The following ADAM10 variants were observed in gnomAD, a reference collection of about 807,000 sequenced individuals.
ADAM10 encodes the protein disintegrin and metalloproteinase domain-containing protein 10.
In ADAM10, 17 loss-of-function variants were observed where a neutral mutation model predicts 90.1. The ratio of observed to expected loss-of-function variants is 0.19; its 90% CI spans 0.13 to 0.28. The LOEUF (loss-of-function observed/expected upper bound fraction) is 0.28, where lower values mean the gene tolerates loss of function less well. Among genes scored for constraint, ADAM10 ranks in the 10% least tolerant of loss-of-function variants. The pLI, the probability that ADAM10 is intolerant of heterozygous loss-of-function variation, is 1.00. For missense variants in ADAM10, 610 were observed against 914.3 expected (o/e 0.67, Z 4.29); for synonymous variants, 310 against 298.6 (o/e 1.04, Z -0.40).
chr15:58,710,364 T>C (rs879844615), intron 2 of ADAM10, among the ~76,000 whole-genome samples: 1 of 152,238 alleles, frequency 6.6e-6, no homozygotes, highest in Non-Finnish European at 1.5e-5. Flanking sequence ...AAAATTCACA[T>C]ACCCTTTTGT....
intron 8 of ADAM10, among the ~76,000 whole-genome samples, chr15:58,635,100 C>G (rs913322164): frequency 6.6e-6 from 1 of 151,128 alleles, no homozygotes; most frequent in Admixed American, 6.6e-5. Context: ...TCGGTGAAAC[C>G]CCATCTCTGC....
At chr15:58,610,692 G>A (rs914790963) in intron 13 of ADAM10, 175 bp from the exon 14 acceptor site, 24 of 706,592 alleles carry the variant, frequency 3.4e-5, no homozygotes, top group Admixed American at 3.2e-4. Flanking sequence ...CATATTAAAT[G>A]TTACAATGTA....
At chr15:58,722,784 T>G (rs1898900116) in intron 1 of ADAM10, among the ~76,000 whole-genome samples, 1 of 140,522 alleles carries the variant, frequency 7.1e-6, no homozygotes, top group Admixed American at 8.0e-5. Flanking sequence ...CAGGCTGGAG[T>G]GCAGTAGCAC....
intron 14 of ADAM10, among the ~76,000 whole-genome samples, chr15:58,607,150 T>C (rs2140994444): frequency 6.6e-6 from 1 of 152,388 alleles, no homozygotes; most frequent in East Asian, 1.9e-4. Flanking sequence ...CCATGGGCCA[T>C]AGTTTGCCAA....
chr15:58,714,290 CAT>C lies in ADAM10; in HGVS notation c.206+3285_206+3286del, dbSNP rs1302650536. Among the ~76,000 whole-genome samples, 3 of 100,118 alleles carry C rather than the reference CAT, an allele frequency of 3.0e-5. No individual in the cohort carries two copies. In the East Asian group the frequency reaches 8.9e-4, roughly 30 times the overall value. The allele number at this position is 100,118 out of a possible 152,430, so 65.7% of individuals were successfully genotyped here. A position where few individuals can be genotyped will look rare whatever the true frequency, so the allele number is the denominator to read the frequency against. On this transcript the variant is annotated intron_variant, in intron 2 of 15. Coordinates refer to ENST00000260408, the MANE Select transcript of ADAM10 (RefSeq NM_001110.4). The stretch of plus-strand genomic sequence containing the variant: ...AATTACTTTAATACTTATACATACA[CAT>C]ACACACACACACACACACACACACA...
intron 1 of ADAM10, among the ~76,000 whole-genome samples, chr15:58,726,885 G>A (rs1276984496): frequency 4.6e-5 from 7 of 151,000 alleles, no homozygotes; most frequent in South Asian, 2.1e-4. Context: ...CGAAGGGGAG[G>A]GGAGAGGAGG....
At chr15:58,659,186 T>C (rs1340072418) in intron 5 of ADAM10, among the ~76,000 whole-genome samples, 1 of 151,662 alleles carries the variant, frequency 6.6e-6, no homozygotes, top group Non-Finnish European at 1.5e-5. Flanking sequence ...GGCAGGAGAA[T>C]CACTTGAACC....
At position 58,667,759 on chromosome 15, in the gene ADAM10, CT is replaced by C. The variant is rs113725859; in HGVS notation, c.485-2563del. Among the ~76,000 whole-genome samples the C allele has an allele frequency of 4.6e-3, 661 of 143,810 alleles. 6 individuals are homozygous for C. Among genetic ancestry groups the C allele is most frequent in the African/African-American group, 0.014 (541 of 39,536 alleles). The allele number at this position is 143,810 out of a possible 152,430, so 94.3% of individuals were successfully genotyped here. Reference sequence around the variant, plus strand: ...GATGGAGAGTAGAAGAAAGGATAGGCTTTTTTTTTTTTCTTTTGAGAAGAAA... The same window carrying C: ...GATGGAGAGTAGAAGAAAGGATAGGCTTTTTTTTTTTCTTTTGAGAAGAAA... On this transcript the variant is annotated intron_variant, in intron 4 of 15. Coordinates refer to ENST00000260408, the MANE Select transcript of ADAM10 (RefSeq NM_001110.4).
chr15:58,713,274 T>C (rs1372159583), intron 2 of ADAM10, among the ~76,000 whole-genome samples: 6 of 152,096 alleles, frequency 3.9e-5, no homozygotes, highest in Non-Finnish European at 7.4e-5. Context: ...GCTAAGTTTC[T>C]TCTAATCTTT....
In ADAM10 at chr15:58,598,906, T is replaced by C. The variant is rs114863371; in HGVS notation, c.2152+692A>G. On this transcript the variant is annotated intron_variant, in intron 15 of 15. Coordinates refer to ENST00000260408, the MANE Select transcript of ADAM10 (RefSeq NM_001110.4). ...AATGGAGAATACTTGACTGTGCTTA[T>C]TTGATGAATGAATCCTCTACTCTAA... Among the ~76,000 whole-genome samples the C allele has an allele frequency of 4.6e-3, 708 of 152,312 alleles. 11 individuals carry two copies. The highest frequency in any genetic ancestry group is 0.017 in the African/African-American group (689 of 41,570).
intron 5 of ADAM10, among the ~76,000 whole-genome samples, chr15:58,660,531 T>C (rs1334122307): frequency 6.6e-6 from 1 of 152,186 alleles, no homozygotes; most frequent in Admixed American, 6.5e-5. Context: ...TTGGCCAGGT[T>C]GGTCTTGAAC....
chr15:58,676,168 C>T, intron 4 of ADAM10: 1 of 386,414 alleles, frequency 2.6e-6, no homozygotes, highest in South Asian at 1.9e-5. Context: ...CCCAGAAATC[C>T]TTGAAGTAAA....
At chr15:58,639,038 C>T (rs949589591) in intron 8 of ADAM10, among the ~76,000 whole-genome samples, 4 of 152,138 alleles carry the variant, frequency 2.6e-5, no homozygotes, top group African/African-American at 9.7e-5. Context: ...ATCATTACAT[C>T]CTTAAGTACA....
intron 2 of ADAM10, among the ~76,000 whole-genome samples, chr15:58,703,101 A>T (rs1339170807): frequency 6.6e-6 from 1 of 152,158 alleles, no homozygotes; most frequent in Non-Finnish European, 1.5e-5. Context: ...ATAATAATAA[A>T]AAGTAGCTGA....
In ADAM10 at chr15:58,727,202, TTTTC is replaced by T. The variant is rs1488795083; in HGVS notation, c.56-9479_56-9476del. Among the ~76,000 whole-genome samples, 12 of 130,386 alleles carry T rather than the reference TTTTC, an allele frequency of 9.2e-5. 1 individual carries two copies. Among genetic ancestry groups the T allele is most frequent in the South Asian group, 5.4e-4 (2 of 3,720 alleles). 85.5% of individuals were successfully genotyped at this position (130,386 alleles called of 152,430 possible). ...TTTTTTTTTTTTTTTTTTTTTTTTT[TTTTC>T]CCAAAAACAGCGTTTCGCTCGTTGC... is the stretch of plus-strand genomic sequence containing the variant. On this transcript the variant is annotated intron_variant, in intron 1 of 15. Coordinates refer to ENST00000260408, the MANE Select transcript of ADAM10 (RefSeq NM_001110.4).
At position 58,610,533 on chromosome 15, in the gene ADAM10, C is replaced by CAA. The variant is rs775219305; in HGVS notation, c.1805-18_1805-17dup. The CAA allele has an allele frequency of 1.2e-5, 20 of 1,604,714 alleles. No homozygotes were observed. Among genetic ancestry groups the CAA allele is most frequent in the Non-Finnish European group, 5.1e-6 (6 of 1,171,846 alleles). ...GATGGGTCCACTGGAAAAGAAATGCCAAATATAAGCTGAAGGTCAGATTCA... is the reference window on the plus strand; with the variant it reads ...GATGGGTCCACTGGAAAAGAAATGCCAAAAATATAAGCTGAAGGTCAGATTCA... On this transcript the variant is annotated splice_polypyrimidine_tract_variant and intron_variant, in intron 13 of 15. Transcript: ENST00000260408.
intron 3 of ADAM10, among the ~76,000 whole-genome samples, chr15:58,681,192 G>A (rs917759947): frequency 6.6e-6 from 1 of 152,066 alleles, no homozygotes; most frequent in Non-Finnish European, 1.5e-5. Context: ...AAAAAGGGCA[G>A]GAACTACTAA....
At position 58,597,353 on chromosome 15, in the gene ADAM10, C is replaced by T; in HGVS notation, c.*194G>A. 6.5e-7 allele frequency: 1 copy of T among 1,538,642 alleles called. No individual in the cohort carries two copies. The highest frequency in any genetic ancestry group is 8.8e-7 in the Non-Finnish European group (1 of 1,141,850). On this transcript the variant is annotated 3_prime_UTR_variant, in exon 16 of 16. Coordinates refer to ENST00000260408, the MANE Select transcript of ADAM10 (RefSeq NM_001110.4). ...GAAAATTGGGTTCCTTTTCCACCTC[C>T]CACCCCCAAATTGGAATTTTCAGGC...
At chr15:58,707,723 AAC>A (rs1476315626) in intron 2 of ADAM10, among the ~76,000 whole-genome samples, 2 of 152,222 alleles carry the variant, frequency 1.3e-5, no homozygotes, top group African/African-American at 4.8e-5. Flanking sequence ...GTTTTCTATA[AAC>A]ACTTTCCAAC....
Sources: allele counts gnomAD v4.1 joint callset (sites outside exome capture counted in the v4.1 genomes callset), GRCh38; gene constraint gnomAD v4.1.1; transcripts MANE v1.5; gene names NCBI Gene and HGNC (gene_info 2026-07-23, HGNC 2026-07-21).